Variants in PGM5 observed in about 807,000 individuals in gnomAD.
The protein encoded by PGM5 is phosphoglucomutase-like protein 5.
In PGM5, 23 loss-of-function variants were observed where a neutral mutation model predicts 59.2. That is an observed-to-expected ratio of 0.39 (90% CI 0.28 to 0.55). The LOEUF (loss-of-function observed/expected upper bound fraction) is 0.55. Among genes scored for constraint, PGM5 ranks in the 20% least tolerant of loss-of-function variants. The probability of loss-of-function intolerance (pLI) is 0.66; values close to 1 mark genes in which losing one functional copy is unlikely to be tolerated. For synonymous variants in PGM5, 214 were observed against 286.0 expected, an observed-to-expected ratio of 0.75 and a Z score of 2.54; for missense variants, 574 against 748.3, an observed-to-expected ratio of 0.77 and a Z score of 2.72.
chr9:68,470,386 A>C (rs940441440), intron 7 of PGM5, among the ~76,000 whole-genome samples: 1 of 152,126 alleles, frequency 6.6e-6, no homozygotes, highest in Non-Finnish European at 1.5e-5. Flanking sequence ...ATTTCCCCTG[A>C]GAGTTGTAGA....
chr9:68,404,632 C>T (rs1331880509), intron 6 of PGM5, among the ~76,000 whole-genome samples: 2 of 152,204 alleles, frequency 1.3e-5, no homozygotes, highest in African/African-American at 4.8e-5. Flanking sequence ...GGAATCCAGT[C>T]ATCTCATCTC....
chr9:68,383,511 T>A lies in PGM5; in HGVS notation c.425-887T>A, dbSNP rs2987661. ...TCAACAGCTAAATGTGACAAGTAACTATTGTATTGGACAATGCAGTTCTAA... is the reference window on the plus strand; with the variant it reads ...TCAACAGCTAAATGTGACAAGTAACAATTGTATTGGACAATGCAGTTCTAA... On this transcript the variant is annotated intron_variant, in intron 2 of 10. Transcript: ENST00000396396. 3.1e-3 allele frequency among the ~76,000 whole-genome samples: 466 copies of A among 150,712 alleles called. 4 individuals carry two copies. The highest frequency in any genetic ancestry group is 0.011 in the African/African-American group (442 of 40,986).
At chr9:68,522,687 G>C (rs762926128) in intron 10 of PGM5, among the ~76,000 whole-genome samples, 1 of 152,008 alleles carries the variant, frequency 6.6e-6, no homozygotes, top group Non-Finnish European at 1.5e-5. Flanking sequence ...ATTTTAATAC[G>C]CAAAGAGACC....
At chr9:68,394,004 TAACA>T (rs1276901616) in intron 6 of PGM5, 1 of 152,142 alleles carries the variant, frequency 6.6e-6, no homozygotes, top group African/African-American at 2.4e-5. Context: ...AAAAAGCCAG[TAACA>T]AACAAATACA....
At chr9:68,490,065 AG>A (rs1554687789) in intron 9 of PGM5, among the ~76,000 whole-genome samples, 1 of 152,218 alleles carries the variant, frequency 6.6e-6, no homozygotes, top group East Asian at 1.9e-4. Context: ...ATTTGCAAGA[AG>A]GTGTCTGCTC....
intron 9 of PGM5, among the ~76,000 whole-genome samples, chr9:68,486,821 C>T (rs1474179412): frequency 6.6e-6 from 1 of 152,138 alleles, no homozygotes; most frequent in East Asian, 1.9e-4. Context: ...AATGGTATCT[C>T]TATGTTTAAC....
intron 10 of PGM5, among the ~76,000 whole-genome samples, chr9:68,509,292 G>A (rs938027675): frequency 2.0e-4 from 30 of 152,230 alleles, no homozygotes; most frequent in African/African-American, 5.8e-4. Context: ...GAATGCTTAG[G>A]CCTTGGGCAG....
intron 6 of PGM5, chr9:68,396,056 T>G (rs1822492750): frequency 6.6e-6 from 1 of 152,068 alleles, no homozygotes. Context: ...GGATCCTGAG[T>G]GATATGTAGG....
chr9:68,399,517 A>G (rs527474809), intron 6 of PGM5, among the ~76,000 whole-genome samples: 1 of 152,006 alleles, frequency 6.6e-6, no homozygotes, highest in South Asian at 2.1e-4. Context: ...AGAGTAACAT[A>G]CCATTGCAAT....
intron 6 of PGM5, among the ~76,000 whole-genome samples, chr9:68,427,423 C>A (rs1823256157): frequency 6.6e-6 from 1 of 152,196 alleles, no homozygotes; most frequent in South Asian, 2.1e-4. Context: ...GATGTGAGAA[C>A]AGAGTTCCTT....
intron 10 of PGM5, among the ~76,000 whole-genome samples, chr9:68,501,144 G>A (rs897005678): frequency 9.9e-5 from 15 of 152,106 alleles, no homozygotes; most frequent in African/African-American, 3.4e-4. Flanking sequence ...CTTCACTGAC[G>A]TTGCTGTTGG....
At chr9:68,505,210 T>A (rs1335381319) in intron 10 of PGM5, among the ~76,000 whole-genome samples, 3 of 152,214 alleles carry the variant, frequency 2.0e-5, no homozygotes, top group Non-Finnish European at 4.4e-5. Context: ...TTGTCCATGT[T>A]AACGTTGAAG....
chr9:68,494,470 A>G (rs1388106966), intron 9 of PGM5, among the ~76,000 whole-genome samples: 2 of 152,192 alleles, frequency 1.3e-5, no homozygotes, highest in African/African-American at 4.8e-5. Context: ...GACCCAGAAA[A>G]AAGAGGTTAT....
intron 4 of PGM5, 144 bp downstream of exon 4, chr9:68,387,732 A>G (rs561136759): frequency 0.011 from 9,165 of 812,134 alleles, 63 homozygotes; most frequent in Non-Finnish European, 0.015. Context: ...TGCTCTGGAA[A>G]ACTTCAGGAC....
intron 10 of PGM5, among the ~76,000 whole-genome samples, chr9:68,525,196 C>T (rs1344539986): frequency 6.6e-6 from 1 of 152,202 alleles, no homozygotes; most frequent in Admixed American, 6.5e-5. Flanking sequence ...TGTTGACCCT[C>T]CCACATGCAC....
chr9:68,433,333 T>TG (rs1245538623), intron 6 of PGM5, among the ~76,000 whole-genome samples: 1 of 152,240 alleles, frequency 6.6e-6, no homozygotes, highest in Non-Finnish European at 1.5e-5. Flanking sequence ...CATGAGCCTT[T>TG]ACCTTTACAA....
intron 4 of PGM5, among the ~76,000 whole-genome samples, chr9:68,387,963 C>G (rs1441319361): frequency 6.6e-6 from 1 of 151,912 alleles, no homozygotes; most frequent in African/African-American, 2.4e-5. Context: ...TTAAATTTTT[C>G]CATTTTTTCA....
intron 9 of PGM5, among the ~76,000 whole-genome samples, chr9:68,485,090 G>A (rs1208186858): frequency 6.6e-6 from 1 of 152,160 alleles, no homozygotes; most frequent in African/African-American, 2.4e-5. Context: ...CTACTTGCAA[G>A]AAGCTTGTCT....
chr9:68,388,037 G>A (rs2516321), intron 4 of PGM5, among the ~76,000 whole-genome samples: 67,887 of 142,298 alleles, frequency 0.48, 16,549 homozygotes, highest in Admixed American at 0.55. Context: ...ACCCTTGTTG[G>A]TTTTTCAGTT....
Sources: allele counts gnomAD v4.1 joint callset (sites outside exome capture counted in the v4.1 genomes callset), GRCh38; gene constraint gnomAD v4.1.1; transcripts MANE v1.5; gene names NCBI Gene and HGNC (gene_info 2026-07-23, HGNC 2026-07-21).